The following CREBL2 variants were observed in gnomAD, a reference collection of about 807,000 sequenced individuals.
CREBL2 encodes cAMP-responsive element-binding protein-like 2.
In CREBL2, 4 loss-of-function variants were observed where a neutral mutation model predicts 19.5. The observed-to-expected ratio is 0.20, with a 90% CI of 0.10 to 0.47. The LOEUF (loss-of-function observed/expected upper bound fraction) is 0.47. Among genes scored for constraint, CREBL2 ranks in the 20% least tolerant of loss-of-function variants. The pLI is 0.98. For synonymous variants in CREBL2, 42 were observed against 46.6 expected, an observed-to-expected ratio of 0.90 and a Z score of 0.40; for missense variants, 85 against 145.1, an observed-to-expected ratio of 0.59 and a Z score of 2.13.
chr12:12,627,622 C>G (rs1323415985), intron 1 of CREBL2, among the ~76,000 whole-genome samples: 3 of 152,154 alleles, frequency 2.0e-5, no homozygotes, highest in African/African-American at 4.8e-5. Flanking sequence ...ATCTATTCAT[C>G]AGTTGATGGA....
chr12:12,625,235 C>T (rs1159851020), intron 1 of CREBL2, among the ~76,000 whole-genome samples: 2 of 152,210 alleles, frequency 1.3e-5, no homozygotes, highest in South Asian at 2.1e-4. Context: ...CGGGGACCCA[C>T]CCTTTTCTGT....
In CREBL2 at chr12:12,637,728, A is replaced by G. The variant is rs200220958; in HGVS notation, c.358+14A>G. On this transcript the variant is annotated intron_variant, in intron 3 of 3. Transcript: ENST00000228865. Reference sequence around the variant, plus strand: ...ATAGCAATTCCTGTAAGTGCCATCAATGGGAGAATTTATATTTAAGAGAGT... The same window carrying G: ...ATAGCAATTCCTGTAAGTGCCATCAGTGGGAGAATTTATATTTAAGAGAGT... 1,206 of 1,602,246 alleles carry G rather than the reference A, an allele frequency of 7.5e-4. 4 individuals are homozygous for G. The highest frequency in any genetic ancestry group is 1.4e-3 in the Admixed American group (79 of 57,780).
At chr12:12,628,575 GTT>G (rs574031708) in intron 1 of CREBL2, among the ~76,000 whole-genome samples, 1 of 152,082 alleles carries the variant, frequency 6.6e-6, no homozygotes, top group African/African-American at 2.4e-5. Flanking sequence ...TTTCCTCTAA[GTT>G]TTATAGTTTT....
intron 1 of CREBL2, among the ~76,000 whole-genome samples, chr12:12,626,585 C>G (rs112705004): frequency 1.1e-4 from 16 of 152,020 alleles, no homozygotes; most frequent in Middle Eastern, 6.3e-3. Flanking sequence ...ATTCACAAAC[C>G]ATAAAATTCA....
chr12:12,641,767 C>T (rs1487377531), intron 3 of CREBL2, among the ~76,000 whole-genome samples: 1 of 152,082 alleles, frequency 6.6e-6, no homozygotes, highest in African/African-American at 2.4e-5. Context: ...CCAAAAACCA[C>T]TTCTACCCCA....
At chr12:12,624,961 C>A (rs1477578606) in intron 1 of CREBL2, among the ~76,000 whole-genome samples, 1 of 152,184 alleles carries the variant, frequency 6.6e-6, no homozygotes, top group Non-Finnish European at 1.5e-5. Flanking sequence ...AGGTAATCTT[C>A]CCTTGAAGTC....
chr12:12,636,451 T>TG, intron 2 of CREBL2, among the ~76,000 whole-genome samples: 1 of 152,258 alleles, frequency 6.6e-6, no homozygotes, highest in African/African-American at 2.4e-5. Flanking sequence ...GATAGAGTCT[T>TG]GCTCTGTCGC....
At chr12:12,628,114 T>C (rs1945416826) in intron 1 of CREBL2, among the ~76,000 whole-genome samples, 1 of 152,050 alleles carries the variant, frequency 6.6e-6, no homozygotes, top group Non-Finnish European at 1.5e-5. Context: ...TCTCTTGACA[T>C]TATGATCCGC....
intron 1 of CREBL2, among the ~76,000 whole-genome samples, chr12:12,628,306 T>C (rs1945418376): frequency 6.6e-6 from 1 of 152,186 alleles, no homozygotes. Flanking sequence ...GGCATTTGTA[T>C]ATCTTCTTTG....
At chr12:12,629,118 G>A (rs6488540) in intron 1 of CREBL2, among the ~76,000 whole-genome samples, 151,032 of 152,316 alleles carry the variant, frequency 0.99, 74,889 homozygotes, top group East Asian at 1. Flanking sequence ...GTATTTCCAT[G>A]TGAACTTTAG....
At chr12:12,629,713 C>T (rs1945428283) in intron 1 of CREBL2, among the ~76,000 whole-genome samples, 1 of 152,072 alleles carries the variant, frequency 6.6e-6, no homozygotes, top group African/African-American at 2.4e-5. Flanking sequence ...ATTCAGTATT[C>T]TACCATTAGT....
At chr12:12,636,037 A>G in intron 2 of CREBL2, 63 bp downstream of exon 2, 1 of 1,382,926 alleles carries the variant, frequency 7.2e-7, no homozygotes, top group Non-Finnish European at 1.0e-6. Flanking sequence ...TAATACATTA[A>G]AATACGAAAA....
chr12:12,618,260 C>G (rs1566104734), intron 1 of CREBL2, among the ~76,000 whole-genome samples: 1 of 151,580 alleles, frequency 6.6e-6, no homozygotes, highest in Non-Finnish European at 1.5e-5. Context: ...CGGAGACGCT[C>G]CTCACTTCCC....
chr12:12,619,004 A>T (rs10845594), intron 1 of CREBL2, among the ~76,000 whole-genome samples: 16 of 151,984 alleles, frequency 1.1e-4, no homozygotes, highest in Non-Finnish European at 1.6e-4. Flanking sequence ...GTCCAGCCTC[A>T]GCTGGGCATC....
chr12:12,640,478 T>G (rs1945508845), intron 3 of CREBL2, among the ~76,000 whole-genome samples: 1 of 152,200 alleles, frequency 6.6e-6, no homozygotes, highest in Admixed American at 6.5e-5. Flanking sequence ...TATTCTGTTC[T>G]TTTTCAAGGT....
Position 12,642,056 on chromosome 12 carries a change from G to C in CREBL2, c.*58G>C, listed in dbSNP as rs1566117630. ...CAATATTCTGATTCCCATGGAAGAT[G>C]GATGGGCAAGAGTGTACTTCTTGGC... On this transcript the variant is annotated 3_prime_UTR_variant, in exon 4 of 4. Coordinates refer to ENST00000228865, the MANE Select transcript of CREBL2 (RefSeq NM_001310.4). 7.2e-7 allele frequency: 1 copy of C among 1,392,878 alleles called. No individual in the cohort carries two copies. The highest frequency in any genetic ancestry group is 1.0e-6 in the Non-Finnish European group (1 of 992,270). The allele number at this position is 1,392,878 out of a possible 1,614,324, so 86.3% of individuals were successfully genotyped here. A position where few individuals can be genotyped will look rare whatever the true frequency, so the allele number is the denominator to read the frequency against.
chr12:12,612,135 G>T lies in CREBL2; in HGVS notation c.-38G>T. On this transcript the variant is annotated 5_prime_UTR_variant, in exon 1 of 4. Transcript: ENST00000228865. ...GCCGGCTGAGCCGGGGGAGGGCTCC[G>T]GGAGGGAGTGCCTGGCCAGGCCGGC... The T allele has an allele frequency of 1.2e-6, 2 of 1,609,324 alleles. No homozygotes were observed. Among genetic ancestry groups the T allele is most frequent in the Non-Finnish European group, 8.5e-7 (1 of 1,179,562 alleles).
rs911172114 is a variant in CREBL2 at position 12,644,186 on chromosome 12, A to T, written c.*2188A>T. On this transcript the variant is annotated 3_prime_UTR_variant, in exon 4 of 4. Coordinates refer to ENST00000228865, the MANE Select transcript of CREBL2 (RefSeq NM_001310.4). ...GTTAAATTACAATTTATTTGAGGTT[A>T]TTCCTAAACCTATTTATTTGGTGTT... 1.3e-5 allele frequency: 2 copies of T among 152,328 alleles called. No individual in the cohort carries two copies. The highest frequency in any genetic ancestry group is 2.9e-5 in the Non-Finnish European group (2 of 68,038). 9.4% of individuals were successfully genotyped at this position (152,328 alleles called of 1,614,324 possible).
At chr12:12,619,997 T>G (rs1189802023) in intron 1 of CREBL2, among the ~76,000 whole-genome samples, 1 of 152,192 alleles carries the variant, frequency 6.6e-6, no homozygotes, top group African/African-American at 2.4e-5. Flanking sequence ...TCAAAAAAAT[T>G]TTAATTTGGC....
Sources: allele counts gnomAD v4.1 joint callset (sites outside exome capture counted in the v4.1 genomes callset), GRCh38; gene constraint gnomAD v4.1.1; transcripts MANE v1.5; gene names NCBI Gene and HGNC (gene_info 2026-07-23, HGNC 2026-07-21).